Variants in FAM83D observed in about 807,000 individuals in gnomAD.
The protein encoded by FAM83D is protein FAM83D.
FAM83D carries 26 observed loss-of-function variants against 25.4 expected under a neutral mutation model. The observed-to-expected ratio is 1.02, with a 90% CI of 0.75 to 1.42. The LOEUF is 1.42. FAM83D is among the 40% of genes most tolerant of loss of function. FAM83D has a pLI of 0.00. For synonymous variants in FAM83D, 310 were observed against 318.5 expected (o/e 0.97, Z 0.28); for missense variants, 740 against 758.1 (o/e 0.98, Z 0.28).
intron 1 of FAM83D, 73 bp downstream of exon 1, chr20:38,926,998 A>T: frequency 1.4e-6 from 2 of 1,401,456 alleles, no homozygotes; most frequent in Non-Finnish European, 9.2e-7. Flanking sequence ...GCCTGCTGGG[A>T]GTACGGGCCG....
At chr20:38,940,075 G>A (rs888466186) in intron 1 of FAM83D, among the ~76,000 whole-genome samples, 1 of 152,166 alleles carries the variant, frequency 6.6e-6, no homozygotes, top group Non-Finnish European at 1.5e-5. Context: ...GTCAAAATAG[G>A]ATGTGTAAAG....
intron 1 of FAM83D, among the ~76,000 whole-genome samples, chr20:38,937,340 C>T (rs1036514844): frequency 2.7e-5 from 4 of 147,654 alleles, no homozygotes; most frequent in African/African-American, 7.3e-5. Context: ...CATTGTCCTT[C>T]GCACATTATT....
intron 1 of FAM83D, among the ~76,000 whole-genome samples, chr20:38,940,618 A>T (rs1484255284): frequency 2.0e-5 from 3 of 152,214 alleles, no homozygotes; most frequent in Non-Finnish European, 4.4e-5. Flanking sequence ...ACTACAGAAG[A>T]GCCCCCAAGC....
chr20:38,944,676 A>G (rs535725592), intron 2 of FAM83D, among the ~76,000 whole-genome samples: 1 of 152,310 alleles, frequency 6.6e-6, no homozygotes, highest in Admixed American at 6.5e-5. Flanking sequence ...GCGGTGGCTT[A>G]CGCCTGTAAT....
At chr20:38,945,730 G>GCCCCCCCCCCCCCCCCCCC (rs1482152635) in intron 2 of FAM83D, among the ~76,000 whole-genome samples, 1 of 99,946 alleles carries the variant, frequency 1.0e-5, no homozygotes, top group African/African-American at 4.0e-5. Context: ...GTCTTGACCT[G>GCCCCCCCCCCCCCCCCCCC]CCCCCACCCC....
At chr20:38,927,005 G>A in intron 1 of FAM83D, 80 bp downstream of exon 1, 1 of 1,398,798 alleles carries the variant, frequency 7.1e-7, no homozygotes, top group Non-Finnish European at 9.2e-7. Flanking sequence ...GGGAGTACGG[G>A]CCGGGGCCAC....
chr20:38,951,393 A>G, intron 3 of FAM83D, 146 bp from the exon 4 acceptor site: 1 of 806,642 alleles, frequency 1.2e-6, no homozygotes, highest in Non-Finnish European at 1.9e-6. Context: ...AGGCTAGTTA[A>G]ATACATGCAA....
chr20:38,950,863 C>T (rs538363763), intron 3 of FAM83D, among the ~76,000 whole-genome samples: 1 of 112,076 alleles, frequency 8.9e-6, no homozygotes, highest in South Asian at 2.4e-4. Context: ...CTCGCCCAGT[C>T]ATGGAATGTG....
intron 1 of FAM83D, among the ~76,000 whole-genome samples, chr20:38,929,847 T>C (rs1278586610): frequency 6.6e-6 from 1 of 151,326 alleles, no homozygotes; most frequent in African/African-American, 2.4e-5. Context: ...TTCTAGGTGA[T>C]CCCAAGGAAG....
chr20:38,944,226 C>T (rs1601335759), intron 2 of FAM83D, among the ~76,000 whole-genome samples: 1 of 152,080 alleles, frequency 6.6e-6, no homozygotes, highest in Admixed American at 6.6e-5. Context: ...TTATTATTAC[C>T]AAGCAATTTG....
At position 38,952,616 on chromosome 20, in the gene FAM83D, C is replaced by A; in HGVS notation, c.*96C>A. ...ATATCTTATGTCCCTAATTGCCTTT[C>A]TTTTACCTGACTTTGTCACCTTTGT... On this transcript the variant is annotated 3_prime_UTR_variant, in exon 4 of 4. Transcript: ENST00000619850. The A allele has an allele frequency of 7.4e-7, 1 of 1,357,234 alleles. No individual in the cohort carries two copies. The highest frequency in any genetic ancestry group is 1.0e-6 in the Non-Finnish European group (1 of 991,518). 84.1% of individuals were successfully genotyped at this position (1,357,234 alleles called of 1,614,324 possible). A position where few individuals can be genotyped will look rare whatever the true frequency, so the allele number is the denominator to read the frequency against.
intron 1 of FAM83D, among the ~76,000 whole-genome samples, chr20:38,933,314 G>T (rs1435861979): frequency 6.6e-6 from 1 of 152,112 alleles, no homozygotes. Context: ...TTCTGTTTGG[G>T]GCTATGAAAA....
intron 1 of FAM83D, among the ~76,000 whole-genome samples, chr20:38,934,144 A>G (rs1461638721): frequency 6.6e-6 from 1 of 151,880 alleles, no homozygotes; most frequent in Admixed American, 6.6e-5. Flanking sequence ...GTGAGCTACC[A>G]TGCCTGGCCT....
rs560770009 is a variant in FAM83D at position 38,950,912 on chromosome 20, G to A, written c.777-627G>A. On this transcript the variant is annotated intron_variant, in intron 3 of 3. Coordinates refer to ENST00000619850, the MANE Select transcript of FAM83D (RefSeq NM_030919.3). Reference sequence around the variant, plus strand: ...TCAGCTTACCGCAACCTCTGCCTCCGGGGTTCAAACAATCCTCCCACCTCA... The same window carrying A: ...TCAGCTTACCGCAACCTCTGCCTCCAGGGTTCAAACAATCCTCCCACCTCA... 1.2e-4 allele frequency among the ~76,000 whole-genome samples: 18 copies of A among 151,988 alleles called. No homozygotes were observed. The East Asian group carries it at 1.4e-3, about 11-fold the overall frequency.
At chr20:38,928,027 C>G (rs61626330) in intron 1 of FAM83D, among the ~76,000 whole-genome samples, 1 of 152,244 alleles carries the variant, frequency 6.6e-6, no homozygotes, top group Non-Finnish European at 1.5e-5. Flanking sequence ...CTCGATAAAG[C>G]TGCAGCAGGG....
intron 1 of FAM83D, among the ~76,000 whole-genome samples, chr20:38,935,283 TC>T (rs914176396): frequency 6.6e-6 from 1 of 152,126 alleles, no homozygotes; most frequent in Non-Finnish European, 1.5e-5. Context: ...TGCTTTTCCC[TC>T]CCCTTTGAAA....
chr20:38,928,406 G>A (rs906959953), intron 1 of FAM83D, among the ~76,000 whole-genome samples: 1 of 152,178 alleles, frequency 6.6e-6, no homozygotes, highest in Admixed American at 6.5e-5. Context: ...CTGCAGCTAG[G>A]CTCTTACCAG....
At chr20:38,948,028 T>C in intron 3 of FAM83D, 28 bp downstream of exon 3, 1 of 1,612,016 alleles carries the variant, frequency 6.2e-7, no homozygotes, top group Non-Finnish European at 8.5e-7. Flanking sequence ...CCAAGGCTTA[T>C]TAATCTAAAC....
chr20:38,945,330 T>A (rs1178934746), intron 2 of FAM83D, among the ~76,000 whole-genome samples: 1 of 152,216 alleles, frequency 6.6e-6, no homozygotes, highest in African/African-American at 2.4e-5. Flanking sequence ...GGTCATCACC[T>A]CCTCCAGGAA....
Sources: gnomAD v4.1 joint callset for allele counts (sites outside exome capture counted in the v4.1 genomes callset) on GRCh38, gnomAD v4.1.1 for gene constraint, MANE v1.5 for transcripts, NCBI Gene and HGNC (gene_info 2026-07-23, HGNC 2026-07-21) for gene names.